SIK3: variants seen among roughly 807,000 people sequenced by gnomAD.
SIK3 encodes SIK family kinase 3.
SIK3 carries 28 observed loss-of-function variants against 144.2 expected under a neutral mutation model. The ratio of observed to expected loss-of-function variants is 0.19; its 90% CI spans 0.14 to 0.27. SIK3 has a LOEUF of 0.27. Among genes scored for constraint, SIK3 ranks in the 10% least tolerant of loss-of-function variants. The pLI is 1.00. For missense variants in SIK3, 1,319 were observed against 1,776.0 expected, an observed-to-expected ratio of 0.74 and a Z score of 4.62; for synonymous variants, 686 against 676.3, an observed-to-expected ratio of 1.01 and a Z score of -0.22.
chr11:116,875,648 A>G (rs1944211665), intron 9 of SIK3, 197 bp from the exon 10 acceptor site: 1 of 825,816 alleles, frequency 1.2e-6, no homozygotes. Flanking sequence ...TATTTCTTCA[A>G]AAAAACAAAA....
Position 116,847,465 on chromosome 11 carries a change from A to C in SIK3, c.3952+11T>G. Reference sequence around the variant, plus strand: ...ACTTCTCTGGAGTGCCCCATGCATAAGGCTCCTCACCCTCATTTTCCCCAT... The same window carrying C: ...ACTTCTCTGGAGTGCCCCATGCATACGGCTCCTCACCCTCATTTTCCCCAT... On this transcript the variant is annotated intron_variant, in intron 23 of 24. Transcript: ENST00000445177. 2 of 1,614,106 alleles carry C rather than the reference A, an allele frequency of 1.2e-6. No homozygotes were observed. The highest frequency in any genetic ancestry group is 1.7e-6 in the Non-Finnish European group (2 of 1,180,004).
chr11:116,895,201 G>A lies in SIK3; in HGVS notation c.865+1052C>T, dbSNP rs78674301. ...TTCCAGGCACGCAGGCCTCCTTCCC[G>A]TTCCTTCACATGCAGCCATGCTCCA... is the stretch of plus-strand genomic sequence containing the variant. On this transcript the variant is annotated intron_variant, in intron 6 of 24. Coordinates refer to ENST00000445177, the MANE Select transcript of SIK3 (RefSeq NM_001366686.3). 3.0e-3 allele frequency among the ~76,000 whole-genome samples: 460 copies of A among 152,012 alleles called. 3 individuals are homozygous for A. The highest frequency in any genetic ancestry group is 0.011 in the African/African-American group (437 of 41,442).
intron 1 of SIK3, among the ~76,000 whole-genome samples, chr11:116,979,288 C>A (rs576451359): frequency 6.6e-6 from 1 of 152,002 alleles, no homozygotes; most frequent in South Asian, 2.1e-4. Context: ...GTTCATGAAC[C>A]ATTTGTTTCT....
chr11:116,896,420 G>C (rs934053927), intron 5 of SIK3, 44 bp from the exon 6 acceptor site: 28 of 1,594,644 alleles, frequency 1.8e-5, no homozygotes, highest in Non-Finnish European at 2.3e-5. Flanking sequence ...CACATCAGGG[G>C]AAACAAAAAA....
At chr11:116,911,502 C>T (rs1444778188) in intron 4 of SIK3, among the ~76,000 whole-genome samples, 2 of 150,842 alleles carry the variant, frequency 1.3e-5, no homozygotes, top group Non-Finnish European at 2.9e-5. Context: ...GAGCCAGACT[C>T]TGTCTCAAAA....
intron 1 of SIK3, among the ~76,000 whole-genome samples, chr11:117,026,734 A>C (rs1952025736): frequency 6.6e-6 from 1 of 152,226 alleles, no homozygotes; most frequent in African/African-American, 2.4e-5. Flanking sequence ...TTACGTGGAC[A>C]ATGAAGAGAA....
intron 1 of SIK3, among the ~76,000 whole-genome samples, chr11:117,029,264 A>T (rs1952154494): frequency 6.6e-6 from 1 of 151,320 alleles, no homozygotes; most frequent in Non-Finnish European, 1.5e-5. Context: ...CAGGAGTTTG[A>T]GACTAGCCTG....
intron 1 of SIK3, among the ~76,000 whole-genome samples, chr11:117,041,183 A>G (rs573030215): frequency 1.5e-4 from 23 of 152,190 alleles, no homozygotes; most frequent in Non-Finnish European, 3.2e-4. Flanking sequence ...AAAAGAAAGA[A>G]TTCCCCCAAT....
intron 1 of SIK3, among the ~76,000 whole-genome samples, chr11:117,077,106 C>CA (rs1428732243): frequency 6.6e-6 from 1 of 152,182 alleles, no homozygotes; most frequent in African/African-American, 2.4e-5. Context: ...CTGTGAGCTA[C>CA]AATCACACCA....
rs574343340 is a variant in SIK3, at chr11:117,064,531, T to C, written c.273+33612A>G. ...ACCACAGATCACATTTCTTTTCTAC[T>C]GATAAGCACTGTCACAAATCAGAAT... On this transcript the variant is annotated intron_variant, in intron 1 of 24. Coordinates refer to ENST00000445177, the MANE Select transcript of SIK3 (RefSeq NM_001366686.3). Among the ~76,000 whole-genome samples the C allele has an allele frequency of 7.9e-5, 12 of 152,344 alleles. No individual in the cohort carries two copies. In the East Asian group the frequency reaches 2.3e-3, roughly 29 times the overall value.
intron 4 of SIK3, among the ~76,000 whole-genome samples, chr11:116,909,068 T>A (rs554607081): frequency 6.6e-6 from 1 of 152,174 alleles, no homozygotes; most frequent in Non-Finnish European, 1.5e-5. Context: ...ATTCATATCA[T>A]GGAATACTAT....
intron 4 of SIK3, among the ~76,000 whole-genome samples, chr11:116,914,432 C>T (rs1236687065): frequency 1.3e-5 from 2 of 152,094 alleles, no homozygotes; most frequent in African/African-American, 4.8e-5. Flanking sequence ...TGGTCTCGAA[C>T]TCCTGACCTC....
intron 1 of SIK3, among the ~76,000 whole-genome samples, chr11:116,972,775 G>A (rs1949807770): frequency 6.6e-6 from 1 of 151,696 alleles, no homozygotes; most frequent in Non-Finnish European, 1.5e-5. Context: ...CATGATGACT[G>A]GCCCCCAATG....
intron 1 of SIK3, among the ~76,000 whole-genome samples, chr11:117,019,674 C>A (rs967612337): frequency 6.6e-6 from 1 of 151,250 alleles, no homozygotes; most frequent in Non-Finnish European, 1.5e-5. Flanking sequence ...GATGCAGTGG[C>A]GTGATCTTGA....
In SIK3 at chr11:116,931,750, T is replaced by G. The variant is rs554996305; in HGVS notation, c.455-4370A>C. Among the ~76,000 whole-genome samples, 21 of 152,324 alleles carry G rather than the reference T, an allele frequency of 1.4e-4. No homozygotes were observed. The South Asian group carries it at 4.4e-3, about 32-fold the overall frequency. Reference sequence around the variant, plus strand: ...CTATCATTTCTTCTTCCTACACCCATGGAAACGACTTCCTGTTTATCAAAC... The same window carrying G: ...CTATCATTTCTTCTTCCTACACCCAGGGAAACGACTTCCTGTTTATCAAAC... On this transcript the variant is annotated intron_variant, in intron 3 of 24. Transcript: ENST00000445177.
chr11:116,857,902 A>G lies in SIK3; in HGVS notation c.3563T>C (p.Leu1188Pro), dbSNP rs750831659. 9 of 1,614,186 alleles carry G rather than the reference A, an allele frequency of 5.6e-6. No homozygotes were observed. In the Admixed American group the frequency reaches 1.5e-4, roughly 27 times the overall value. Residue 1188 changes from leucine (L) to proline (P), a missense_variant, in exon 21 of 25, where the codon CTA (leucine) becomes CCA (proline). Physicochemically the swap from Leu to Pro is moderately conservative, Grantham distance 98. Around this residue, in one of 8 missense-constraint regions of SIK3, gnomAD observed 646 missense variants for 763.7 expected, o/e 0.85. Coordinates refer to ENST00000445177, the MANE Select transcript of SIK3 (RefSeq NM_001366686.3). ...TGGPGDPESL[L>P]GTVSHAQELG... ...TTCTTGGGCATGACTCACAGTTCCT[A>G]GCAAAGATTCAGGGTCCCCAGGTCC...
chr11:116,871,837 G>A (rs1943987657), intron 13 of SIK3, among the ~76,000 whole-genome samples: 1 of 152,158 alleles, frequency 6.6e-6, no homozygotes, highest in African/African-American at 2.4e-5. Context: ...AGGAGGAGCA[G>A]GTTTTACAGA....
At chr11:117,084,172 A>G (rs1001571090) in intron 1 of SIK3, among the ~76,000 whole-genome samples, 1 of 152,122 alleles carries the variant, frequency 6.6e-6, no homozygotes, top group Admixed American at 6.6e-5. Flanking sequence ...AAAGCAACCA[A>G]TGCCCCCAAC....
At chr11:116,865,414 T>C (rs1943579604) in intron 15 of SIK3, among the ~76,000 whole-genome samples, 1 of 152,126 alleles carries the variant, frequency 6.6e-6, no homozygotes, top group Admixed American at 6.5e-5. Context: ...AGAGGAACGG[T>C]TCTGATGCAG....
Sources: allele counts gnomAD v4.1 joint callset (sites outside exome capture counted in the v4.1 genomes callset), GRCh38; gene constraint gnomAD v4.1.1; regional missense constraint gnomAD v4.1.1; transcripts MANE v1.5; gene names NCBI Gene and HGNC (gene_info 2026-07-23, HGNC 2026-07-21).